The following XYLT1 variants were observed in gnomAD, a reference collection of about 807,000 sequenced individuals.
The protein encoded by XYLT1 is beta-D-xylosyltransferase 1.
A neutral mutation model predicts 91.3 loss-of-function variants in XYLT1; 36 were observed. The ratio of observed to expected loss-of-function variants is 0.39; its 90% CI spans 0.30 to 0.52. XYLT1 has a LOEUF of 0.52. Ranked by LOEUF, XYLT1 falls within the 20% of genes least tolerant of loss-of-function variation. The pLI is 0.68. For missense variants in XYLT1, 1,242 were observed against 1,284.5 expected (o/e 0.97, Z 0.51); for synonymous variants, 588 against 532.0 (o/e 1.11, Z -1.45).
chr16:17,197,515 T>C (rs2032453442), intron 5 of XYLT1, among the ~76,000 whole-genome samples: 1 of 152,184 alleles, frequency 6.6e-6, no homozygotes, highest in African/African-American at 2.4e-5. Context: ...TTTCTGGCCA[T>C]GTCTGTGAGG....
At chr16:17,422,576 C>G (rs530164342) in intron 1 of XYLT1, among the ~76,000 whole-genome samples, 4 of 152,126 alleles carry the variant, frequency 2.6e-5, no homozygotes, top group Non-Finnish European at 5.9e-5. Flanking sequence ...GTAGTGCGAT[C>G]TTGGCTCACT....
At chr16:17,188,213 C>T (rs1427883727) in intron 5 of XYLT1, among the ~76,000 whole-genome samples, 2 of 152,060 alleles carry the variant, frequency 1.3e-5, no homozygotes, top group Non-Finnish European at 2.9e-5. Flanking sequence ...GTGATCTGGC[C>T]TCCCCACTCC....
In XYLT1 at chr16:17,108,479, C is replaced by T. The variant is rs759077950; in HGVS notation, c.*216G>A. 5 of 509,296 alleles carry T rather than the reference C, an allele frequency of 9.8e-6. No homozygotes were observed. Among genetic ancestry groups the T allele is most frequent in the African/African-American group, 5.8e-5 (3 of 51,978 alleles). The allele number at this position is 509,296 out of a possible 1,614,324, so 31.5% of individuals were successfully genotyped here. ...CAGAAGAGGTGAGACAGTCACAGTG[C>T]AGGGACTGAGCCATCCCACCCGCAG... On this transcript the variant is annotated 3_prime_UTR_variant, in exon 12 of 12. Transcript: ENST00000261381.
chr16:17,331,318 C>A (rs2034896287), intron 2 of XYLT1, among the ~76,000 whole-genome samples: 1 of 152,204 alleles, frequency 6.6e-6, no homozygotes, highest in Non-Finnish European at 1.5e-5. Flanking sequence ...GGCGTCAGAA[C>A]AAGGGTGGAG....
chr16:17,233,301 A>C (rs1042074251), intron 3 of XYLT1, among the ~76,000 whole-genome samples: 19 of 152,214 alleles, frequency 1.2e-4, no homozygotes, highest in African/African-American at 4.6e-4. Flanking sequence ...GTTTCATTGC[A>C]GGCCAGGCAC....
intron 3 of XYLT1, among the ~76,000 whole-genome samples, chr16:17,222,482 AG>A (rs2032986416): frequency 6.6e-6 from 1 of 152,178 alleles, no homozygotes; most frequent in Non-Finnish European, 1.5e-5. Context: ...AGATTGTCTG[AG>A]GAGCTTATTA....
intron 1 of XYLT1, among the ~76,000 whole-genome samples, chr16:17,470,060 C>T (rs2036961643): frequency 6.6e-6 from 1 of 152,042 alleles, no homozygotes; most frequent in South Asian, 2.1e-4. Context: ...GCTGAGGATC[C>T]GGGGAGATCC....
At chr16:17,297,109 C>A (rs565237795) in intron 2 of XYLT1, among the ~76,000 whole-genome samples, 1 of 152,238 alleles carries the variant, frequency 6.6e-6, no homozygotes, top group East Asian at 1.9e-4. Context: ...ATTGGATATT[C>A]CATTTTCATA....
chr16:17,329,557 C>T (rs531565058), intron 2 of XYLT1, among the ~76,000 whole-genome samples: 1 of 152,250 alleles, frequency 6.6e-6, no homozygotes, highest in South Asian at 2.1e-4. Flanking sequence ...CACCCTTTTC[C>T]CCTCTCATAT....
intron 1 of XYLT1, among the ~76,000 whole-genome samples, chr16:17,423,206 G>C (rs760835886): frequency 3.4e-4 from 52 of 152,272 alleles, no homozygotes; most frequent in Non-Finnish European, 5.9e-4. Context: ...CCCTTAAACT[G>C]GAGTAGGTGC....
At chr16:17,231,494 T>C (rs1470207712) in intron 3 of XYLT1, among the ~76,000 whole-genome samples, 1 of 152,158 alleles carries the variant, frequency 6.6e-6, no homozygotes, top group Admixed American at 6.5e-5. Context: ...AAGCCTCAAT[T>C]TCCTTACCTT....
chr16:17,456,733 C>A (rs1382420508), intron 1 of XYLT1, among the ~76,000 whole-genome samples: 1 of 152,178 alleles, frequency 6.6e-6, no homozygotes, highest in Non-Finnish European at 1.5e-5. Context: ...ATTTGACACA[C>A]AGGCTCCTGA....
intron 1 of XYLT1, among the ~76,000 whole-genome samples, chr16:17,434,504 G>T (rs140338132): frequency 6.0e-4 from 92 of 152,262 alleles, no homozygotes; most frequent in Middle Eastern, 3.4e-3. Flanking sequence ...AAACAAAACA[G>T]ATCAGGCTTA....
At chr16:17,129,072 G>GAAAAAAAAA (rs34234422) in intron 9 of XYLT1, among the ~76,000 whole-genome samples, 3 of 95,198 alleles carry the variant, frequency 3.2e-5, no homozygotes, top group African/African-American at 4.4e-5. Context: ...AGGGAGCATA[G>GAAAAAAAAA]AAAAAAAAAA....
intron 2 of XYLT1, among the ~76,000 whole-genome samples, chr16:17,342,516 G>A (rs932221252): frequency 2.6e-5 from 4 of 152,156 alleles, no homozygotes; most frequent in Non-Finnish European, 5.9e-5. Context: ...GAGGTTGGGA[G>A]TTCGAGACCA....
chr16:17,161,407 T>C (rs768193373), intron 5 of XYLT1, among the ~76,000 whole-genome samples: 1 of 151,932 alleles, frequency 6.6e-6, no homozygotes, highest in Admixed American at 6.6e-5. Context: ...ATGGATTGTC[T>C]GGAAGGGTGG....
intron 2 of XYLT1, among the ~76,000 whole-genome samples, chr16:17,345,696 G>C (rs1454009703): frequency 6.6e-6 from 1 of 152,244 alleles, no homozygotes; most frequent in Non-Finnish European, 1.5e-5. Flanking sequence ...GACTATGAAA[G>C]TAATACTAAG....
At position 17,300,452 on chromosome 16, in the gene XYLT1, C is replaced by CTTTTTTTTTTTTTTTT. The variant is rs67480834; in HGVS notation, c.403-40970_403-40955dup. Among the ~76,000 whole-genome samples, 101 of 64,834 alleles carry CTTTTTTTTTTTTTTTT rather than the reference C, an allele frequency of 1.6e-3. 9 individuals are homozygous for CTTTTTTTTTTTTTTTT. Among genetic ancestry groups the CTTTTTTTTTTTTTTTT allele is most frequent in the African/African-American group, 2.6e-3 (41 of 16,064 alleles). The allele number at this position is 64,834 out of a possible 152,430, so 42.5% of individuals were successfully genotyped here. A position where few individuals can be genotyped will look rare whatever the true frequency, so the allele number is the denominator to read the frequency against. ...CAGCTATTTCTTTCTTTCATTCTTT[C>CTTTTTTTTTTTTTTTT]TTTTTTTTTTTTTTTTTTTTTTGAG... is the stretch of plus-strand genomic sequence containing the variant. On this transcript the variant is annotated intron_variant, in intron 2 of 11. Transcript: ENST00000261381.
rs1467329663 is a variant in XYLT1, at chr16:17,158,865, A to C, written c.1334T>G (p.Met445Arg). Residue 445 changes from methionine (M) to arginine (R), a missense_variant, in exon 6 of 12, where the codon ATG becomes AGG. Physicochemically the swap from Met to Arg is moderately conservative, Grantham distance 91 (BLOSUM62 -1). Coordinates refer to ENST00000261381, the MANE Select transcript of XYLT1 (RefSeq NM_022166.4). ...LVAFLSRYRD[M>R]NFLKSHGRDN... The stretch of plus-strand genomic sequence containing the variant: ...CCGGCCGTGTGACTTCAAGAAATTC[A>C]TATCTCGGTATCGGGAGAGAAACGC... 2.3e-5 allele frequency: 37 copies of C among 1,613,960 alleles called. No individual in the cohort carries two copies. Among genetic ancestry groups the C allele is most frequent in the Non-Finnish European group, 3.1e-5 (37 of 1,179,988 alleles).
Sources: allele counts gnomAD v4.1 joint callset (sites outside exome capture counted in the v4.1 genomes callset), GRCh38; gene constraint gnomAD v4.1.1; transcripts MANE v1.5; gene names NCBI Gene and HGNC (gene_info 2026-07-23, HGNC 2026-07-21).